ERC2: variants seen among roughly 807,000 people sequenced by gnomAD.
The protein encoded by ERC2 is ERC protein 2.
A neutral mutation model predicts 114.8 loss-of-function variants in ERC2; 42 were observed. That is an observed-to-expected ratio of 0.37 (90% CI 0.29 to 0.47). ERC2 has a LOEUF of 0.47. ERC2 is among the 20% of genes least tolerant of loss of function. The pLI is 0.99. For synonymous variants in ERC2, 454 were observed against 425.5 expected, an observed-to-expected ratio of 1.07 and a Z score of -0.82; for missense variants, 939 against 1,150.7, an observed-to-expected ratio of 0.82 and a Z score of 2.66.
intron 17 of ERC2, among the ~76,000 whole-genome samples, chr3:55,640,208 T>C (rs1441984145): frequency 6.6e-6 from 1 of 152,214 alleles, no homozygotes; most frequent in Non-Finnish European, 1.5e-5. Flanking sequence ...CCTGCTTCCT[T>C]GATAGCCCAT....
At chr3:55,864,136 T>TAC (rs1273501152) in intron 14 of ERC2, among the ~76,000 whole-genome samples, 181 of 130,086 alleles carry the variant, frequency 1.4e-3, no homozygotes, top group African/African-American at 5.2e-3. Context: ...CACATATATA[T>TAC]ATACATATAT....
chr3:56,285,024 C>CAT (rs2054593315), intron 3 of ERC2, among the ~76,000 whole-genome samples: 7 of 120,880 alleles, frequency 5.8e-5, no homozygotes, highest in South Asian at 3.1e-4. Context: ...CACACACACA[C>CAT]ACACACATAC....
At chr3:55,608,464 A>G (rs2058740023) in intron 17 of ERC2, among the ~76,000 whole-genome samples, 1 of 152,192 alleles carries the variant, frequency 6.6e-6, no homozygotes, top group Non-Finnish European at 1.5e-5. Context: ...CCCACTGCTC[A>G]TTAACTTCAG....
chr3:56,409,315 G>A lies in ERC2; in HGVS notation c.657+25036C>T, dbSNP rs557296859. On this transcript the variant is annotated intron_variant, in intron 2 of 17. Coordinates refer to ENST00000288221, the MANE Select transcript of ERC2 (RefSeq NM_015576.3). Reference sequence around the variant, plus strand: ...AAAAATATAATCAAACTAATTGCCAGCCAAGTCAGTCATCCTCCTGGGAAT... The same window carrying A: ...AAAAATATAATCAAACTAATTGCCAACCAAGTCAGTCATCCTCCTGGGAAT... Among the ~76,000 whole-genome samples the A allele has an allele frequency of 2.6e-5, 4 of 152,202 alleles. No individual in the cohort carries two copies. The East Asian group carries it at 7.7e-4, about 29-fold the overall frequency.
chr3:56,038,531 C>T (rs991621210), intron 7 of ERC2, among the ~76,000 whole-genome samples: 3 of 152,134 alleles, frequency 2.0e-5, no homozygotes, highest in African/African-American at 7.2e-5. Context: ...GTGGTGATTC[C>T]TCAAAGACCT....
At chr3:56,428,280 G>A (rs1234722456) in intron 2 of ERC2, among the ~76,000 whole-genome samples, 3 of 152,138 alleles carry the variant, frequency 2.0e-5, no homozygotes, top group South Asian at 2.1e-4. Flanking sequence ...CAGGACTTTT[G>A]GAGGCTGAGG....
chr3:56,322,368 C>G (rs570996050), intron 2 of ERC2, among the ~76,000 whole-genome samples: 1 of 152,302 alleles, frequency 6.6e-6, no homozygotes, highest in Admixed American at 6.5e-5. Context: ...CCACCACTTG[C>G]ATCAAGAGTT....
At chr3:55,717,754 G>C (rs959590005) in intron 15 of ERC2, among the ~76,000 whole-genome samples, 2 of 152,138 alleles carry the variant, frequency 1.3e-5, no homozygotes, top group African/African-American at 4.8e-5. Flanking sequence ...CTGAGTTTGA[G>C]AATAAATATA....
At chr3:56,073,097 A>T (rs1480274944) in intron 7 of ERC2, among the ~76,000 whole-genome samples, 2 of 152,216 alleles carry the variant, frequency 1.3e-5, no homozygotes, top group African/African-American at 4.8e-5. Flanking sequence ...CGAGAAATTC[A>T]ACTCTGTAAG....
rs1330342780 is a variant in ERC2, at chr3:55,992,202, G to T, written c.2110C>A (p.Gln704Lys). 6.2e-7 allele frequency: 1 copy of T among 1,613,650 alleles called. No homozygotes were observed. Among genetic ancestry groups the T allele is most frequent in the South Asian group, 1.1e-5 (1 of 91,038 alleles). ...GCCTCTTTATCGAGCTGTTTTATTT[G>T]GTCTGCAAACTCAGGGTTCATCCTG... The part of the protein sequence containing the change: ...DSRMNPEFAD[Q>K]IKQLDKEASY... The change falls in exon 11 of 18, where the codon CAA becomes AAA. Residue 704 changes from glutamine to lysine, a missense_variant. This residue lies in a region of ERC2 where 328 missense variants were observed against 353.9 expected (regional missense o/e 0.93). Transcript: ENST00000288221.
intron 3 of ERC2, among the ~76,000 whole-genome samples, chr3:56,186,053 C>T (rs746772395): frequency 2.9e-5 from 4 of 138,348 alleles, no homozygotes; most frequent in African/African-American, 8.2e-5. Context: ...CCTACAAATG[C>T]AAGGAAGTGG....
At chr3:56,434,212 TA>T in intron 2 of ERC2, 138 bp downstream of exon 2, 1 of 699,492 alleles carries the variant, frequency 1.4e-6, no homozygotes, top group Non-Finnish European at 2.4e-6. Context: ...TCATAGTGTC[TA>T]AGTCAAACAC....
At chr3:56,195,946 A>C (rs936608008) in intron 3 of ERC2, among the ~76,000 whole-genome samples, 2 of 152,212 alleles carry the variant, frequency 1.3e-5, no homozygotes, top group African/African-American at 4.8e-5. Flanking sequence ...TCAGGACAGC[A>C]GGGGACAAAG....
intron 17 of ERC2, among the ~76,000 whole-genome samples, chr3:55,565,792 A>T (rs980941837): frequency 6.6e-6 from 1 of 152,162 alleles, no homozygotes; most frequent in Non-Finnish European, 1.5e-5. Context: ...ATACTTTCAG[A>T]AATAATCATT....
At chr3:56,327,169 A>G (rs2057399581) in intron 2 of ERC2, among the ~76,000 whole-genome samples, 1 of 152,230 alleles carries the variant, frequency 6.6e-6, no homozygotes, top group Non-Finnish European at 1.5e-5. Context: ...TGGGTAATTT[A>G]TAAAGGAAAG....
chr3:56,092,944 G>A (rs1057025524), intron 6 of ERC2, among the ~76,000 whole-genome samples: 1 of 152,080 alleles, frequency 6.6e-6, no homozygotes, highest in Admixed American at 6.6e-5. Context: ...TATCACTGAA[G>A]CTCCAGAACT....
chr3:56,399,660 C>T (rs964539856), intron 2 of ERC2, among the ~76,000 whole-genome samples: 5 of 148,266 alleles, frequency 3.4e-5, no homozygotes, highest in Non-Finnish European at 7.6e-5. Flanking sequence ...AATCAAGAAC[C>T]TTAGTTCTAA....
At chr3:55,982,109 A>G (rs1294243229) in intron 12 of ERC2, among the ~76,000 whole-genome samples, 1 of 152,202 alleles carries the variant, frequency 6.6e-6, no homozygotes, top group Non-Finnish European at 1.5e-5. Context: ...GATAAATCTC[A>G]GAATGAAAGG....
intron 3 of ERC2, among the ~76,000 whole-genome samples, chr3:56,259,758 G>T (rs1013713541): frequency 5.3e-5 from 8 of 152,140 alleles, no homozygotes; most frequent in African/African-American, 1.9e-4. Context: ...CTGCCCAGAA[G>T]CCTTGCTTTT....
Sources: allele counts gnomAD v4.1 joint callset (sites outside exome capture counted in the v4.1 genomes callset), GRCh38; gene constraint gnomAD v4.1.1; regional missense constraint gnomAD v4.1.1; transcripts MANE v1.5; gene names NCBI Gene and HGNC (gene_info 2026-07-23, HGNC 2026-07-21).